HMGB1: variants seen among roughly 807,000 people sequenced by gnomAD.
The protein encoded by HMGB1 is high mobility group protein B1.
For missense variants in HMGB1, 79 were observed against 253.5 expected (o/e 0.31, Z 4.67); for synonymous variants, 81 against 84.0 (o/e 0.96, Z 0.19).
At position 30,554,781 on chromosome 13, in the gene HMGB1, A is replaced by G; in HGVS notation, c.-15+61890T>C. 3 of 766,780 alleles carry G rather than the reference A, an allele frequency of 3.9e-6. 1 individual carries two copies. The South Asian group carries it at 4.0e-5, about 10-fold the overall frequency. The allele number at this position is 766,780 out of a possible 1,614,324, so 47.5% of individuals were successfully genotyped here. ...GCAGATGAAACAGAGGCTAAATGAG[A>G]ACGAACAAAAAAGAAAAAGGCCAAG... On this transcript the variant is annotated intron_variant, in intron 1 of 4. Transcript: ENST00000405805.
At chr13:30,475,138 C>T (rs78247385) in intron 1 of HMGB1, among the ~76,000 whole-genome samples, 6,800 of 26,164 alleles carry the variant, frequency 0.26, 1,483 homozygotes, top group Middle Eastern at 0.5. Flanking sequence ...CTCTCTCTCT[C>T]TTTTTTTTTT....
intron 1 of HMGB1, among the ~76,000 whole-genome samples, chr13:30,513,543 T>A (rs527680254): frequency 6.6e-6 from 1 of 152,212 alleles, no homozygotes; most frequent in Non-Finnish European, 1.5e-5. Flanking sequence ...AGTGCTGAAA[T>A]CATTCCAGAG....
intron 1 of HMGB1, chr13:30,540,204 A>C (rs1480531049): frequency 1.0e-5 from 2 of 191,422 alleles, no homozygotes; most frequent in African/African-American, 2.3e-5. Flanking sequence ...CAACATTTTG[A>C]TCAGCAAGGG....
chr13:30,597,861 T>C (rs546157717), intron 1 of HMGB1, among the ~76,000 whole-genome samples: 28 of 152,168 alleles, frequency 1.8e-4, no homozygotes, highest in African/African-American at 6.5e-4. Flanking sequence ...GTGTGTAGGG[T>C]TAACAAGCCT....
intron 1 of HMGB1, among the ~76,000 whole-genome samples, chr13:30,531,934 T>A (rs1888505613): frequency 6.6e-6 from 1 of 151,540 alleles, no homozygotes; most frequent in Non-Finnish European, 1.5e-5. Context: ...AAATAATAAA[T>A]AAAACATTTT....
At chr13:30,563,426 T>C (rs1274419273) in intron 1 of HMGB1, among the ~76,000 whole-genome samples, 4 of 152,066 alleles carry the variant, frequency 2.6e-5, no homozygotes, top group South Asian at 2.1e-4. Context: ...CTGGGCAACA[T>C]AGCAAGATCC....
chr13:30,604,866 G>A (rs1228154098), intron 1 of HMGB1, among the ~76,000 whole-genome samples: 1 of 152,130 alleles, frequency 6.6e-6, no homozygotes, highest in Non-Finnish European at 1.5e-5. Flanking sequence ...CACCATGTTA[G>A]CCAGGATGGT....
chr13:30,541,424 C>T (rs1257185268), intron 1 of HMGB1, among the ~76,000 whole-genome samples: 1 of 146,370 alleles, frequency 6.8e-6, no homozygotes, highest in Non-Finnish European at 1.5e-5. Flanking sequence ...GCCTCTAATC[C>T]TACCTGGATA....
At chr13:30,538,647 CTT>C (rs1410623665) in intron 1 of HMGB1, among the ~76,000 whole-genome samples, 1 of 52,718 alleles carries the variant, frequency 1.9e-5, no homozygotes, top group African/African-American at 1.2e-4. Flanking sequence ...TTCTTCCTTT[CTT>C]TCTTTCTTTC....
chr13:30,487,609 C>A (rs911829981), intron 1 of HMGB1, among the ~76,000 whole-genome samples: 3 of 152,164 alleles, frequency 2.0e-5, no homozygotes, highest in Non-Finnish European at 2.9e-5. Flanking sequence ...AGCTAAATGA[C>A]TTTTTTCCCC....
intron 1 of HMGB1, among the ~76,000 whole-genome samples, chr13:30,478,139 A>G (rs1428756402): frequency 6.6e-6 from 1 of 152,216 alleles, no homozygotes; most frequent in Admixed American, 6.5e-5. Flanking sequence ...CACTCATGGC[A>G]TTTGACCAGT....
At chr13:30,597,121 A>G (rs1358051386) in intron 1 of HMGB1, among the ~76,000 whole-genome samples, 2 of 152,248 alleles carry the variant, frequency 1.3e-5, no homozygotes, top group East Asian at 3.8e-4. Context: ...GAAGTCCTAA[A>G]CTACAATACC....
intron 1 of HMGB1, among the ~76,000 whole-genome samples, chr13:30,577,014 T>C (rs1870686577): frequency 6.6e-6 from 1 of 152,112 alleles, no homozygotes; most frequent in Non-Finnish European, 1.5e-5. Flanking sequence ...AGGTCAAAGG[T>C]GGAGCCCTGA....
At chr13:30,569,121 A>G (rs1289751372) in intron 1 of HMGB1, among the ~76,000 whole-genome samples, 1 of 152,140 alleles carries the variant, frequency 6.6e-6, no homozygotes, top group East Asian at 1.9e-4. Flanking sequence ...GTTGTAGTGA[A>G]TGCCACTGCA....
chr13:30,484,046 T>C (rs1887301838), intron 1 of HMGB1, among the ~76,000 whole-genome samples: 1 of 152,164 alleles, frequency 6.6e-6, no homozygotes, highest in African/African-American at 2.4e-5. Flanking sequence ...CAGGCCTTGA[T>C]GTCTTTCCAG....
At chr13:30,498,202 G>A in intron 1 of HMGB1, among the ~76,000 whole-genome samples, 1 of 152,040 alleles carries the variant, frequency 6.6e-6, no homozygotes, top group Non-Finnish European at 1.5e-5. Context: ...CATTTCTCTT[G>A]CCAGCTACTT....
In HMGB1 at chr13:30,457,748, G is replaced by A. The variant is rs983222895; in HGVS notation, c.*3609C>T. On this transcript the variant is annotated 3_prime_UTR_variant, in exon 5 of 5. Coordinates refer to ENST00000341423, the MANE Select transcript of HMGB1 (RefSeq NM_002128.7). Reference sequence around the variant, plus strand: ...GTATGGTTATCTGTCATGATGTATCGTGAAACAAGCAATTCTATAACAGAG... The same window carrying A: ...GTATGGTTATCTGTCATGATGTATCATGAAACAAGCAATTCTATAACAGAG... 3.3e-5 allele frequency: 5 copies of A among 152,106 alleles called. No individual in the cohort carries two copies. The highest frequency in any genetic ancestry group is 1.9e-4 in the East Asian group (1 of 5,192). The allele number at this position is 152,106 out of a possible 1,614,324, so 9.4% of individuals were successfully genotyped here.
At chr13:30,534,864 A>G (rs1030915323) in intron 1 of HMGB1, among the ~76,000 whole-genome samples, 5 of 152,126 alleles carry the variant, frequency 3.3e-5, no homozygotes, top group African/African-American at 9.7e-5. Flanking sequence ...GGTTTGAGCC[A>G]CCATGCCCAG....
intron 1 of HMGB1, among the ~76,000 whole-genome samples, chr13:30,611,835 A>T (rs1274030333): frequency 4.0e-5 from 6 of 150,992 alleles, no homozygotes; most frequent in Admixed American, 6.6e-5. Flanking sequence ...ATCCTTTATT[A>T]AAAAAACAGT....
Sources: allele counts gnomAD v4.1 joint callset (sites outside exome capture counted in the v4.1 genomes callset), GRCh38; gene constraint gnomAD v4.1.1; transcripts MANE v1.5; gene names NCBI Gene and HGNC (gene_info 2026-07-23, HGNC 2026-07-21).